The following GPR89B variants were observed in gnomAD, a reference collection of about 807,000 sequenced individuals.
The protein encoded by GPR89B is golgi pH regulator B.
Under a neutral mutation model 52.4 loss-of-function variants are expected in GPR89B, and 25 were observed. The observed-to-expected ratio is 0.48, with a 90% CI of 0.35 to 0.67. The LOEUF is 0.67. Ranked by LOEUF, GPR89B falls within the 30% of genes least tolerant of loss-of-function variation. The pLI is 0.01. For missense variants in GPR89B, 146 were observed against 450.2 expected (o/e 0.32, Z 6.11); for synonymous variants, 52 against 151.2 (o/e 0.34, Z 4.81).
intron 5 of GPR89B, among the ~76,000 whole-genome samples, chr1:147,949,844 G>A (rs1367031120): frequency 1.4e-5 from 2 of 141,910 alleles, no homozygotes; most frequent in Non-Finnish European, 3.1e-5. Context: ...GCCGGGCAGA[G>A]GGGCTCCTCA....
At chr1:147,936,877 A>G (rs2149037096) in intron 2 of GPR89B, among the ~76,000 whole-genome samples, 191 bp downstream of exon 2, 1 of 152,234 alleles carries the variant, frequency 6.6e-6, no homozygotes, top group Admixed American at 6.5e-5. Flanking sequence ...AGGCAAATCA[A>G]ATATAGCCCA....
intron 5 of GPR89B, among the ~76,000 whole-genome samples, chr1:147,949,815 C>T (rs1285317345): frequency 1.0e-4 from 15 of 146,328 alleles, no homozygotes; most frequent in Non-Finnish European, 2.2e-4. Context: ...CCCGACCTCC[C>T]TCCCGGACGG....
rs374453006 is a variant in GPR89B at position 147,928,593 on chromosome 1, C to T, written c.42+15C>T. ...TTACCTCCCAGGTGAGTCACCGCCT[C>T]CCGCCCCGACACCCGTCCGCCTCCC... On this transcript the variant is annotated intron_variant, in intron 1 of 13. Transcript: ENST00000314163. 87 of 1,613,810 alleles carry T rather than the reference C, an allele frequency of 5.4e-5. No individual in the cohort carries two copies. The African/African-American group carries it at 1.0e-3, about 19-fold the overall frequency.
intron 5 of GPR89B, among the ~76,000 whole-genome samples, chr1:147,947,937 A>C (rs1655143580): frequency 6.6e-6 from 1 of 152,250 alleles, no homozygotes. Context: ...ATTTAGCATT[A>C]CACAAATATT....
At chr1:148,023,313 G>A in the GPR89B span, among the ~76,000 whole-genome samples, 32 of 146,132 alleles carry the variant, frequency 2.2e-4, no homozygotes, top group African/African-American at 7.4e-4. Context: ...TGTTGTGTAT[G>A]TACCACATTT....
At chr1:147,939,718 C>A (rs1426396537) in intron 3 of GPR89B, among the ~76,000 whole-genome samples, 1 of 152,128 alleles carries the variant, frequency 6.6e-6, no homozygotes. Context: ...GAGAGAGGGG[C>A]CAGACATAGT....
intron 7 of GPR89B, among the ~76,000 whole-genome samples, chr1:147,958,990 G>T (rs1250574356): frequency 4.6e-5 from 7 of 152,148 alleles, no homozygotes; most frequent in Non-Finnish European, 7.3e-5. Context: ...TGTTTTTGTT[G>T]TTTACAAGTG....
intron 5 of GPR89B, among the ~76,000 whole-genome samples, chr1:147,950,260 C>T (rs1333801510): frequency 2.1e-5 from 3 of 144,580 alleles, no homozygotes; most frequent in Non-Finnish European, 3.0e-5. Context: ...CAGACAGGGT[C>T]GCGGCCGGGT....
chr1:148,009,978 G>A, the GPR89B span, among the ~76,000 whole-genome samples: 1 of 151,078 alleles, frequency 6.6e-6, no homozygotes, highest in Non-Finnish European at 1.5e-5. Context: ...TTAAACCCCA[G>A]TCTCCAGCAT....
chr1:147,931,447 A>G (rs1553246989), intron 1 of GPR89B, among the ~76,000 whole-genome samples: 1 of 152,158 alleles, frequency 6.6e-6, no homozygotes, highest in African/African-American at 2.4e-5. Flanking sequence ...TACGCCTTCC[A>G]TTTTATTTGC....
chr1:148,015,557 A>T, the GPR89B span, among the ~76,000 whole-genome samples: 5 of 139,262 alleles, frequency 3.6e-5, no homozygotes, highest in African/African-American at 7.9e-5. Context: ...CTCGTGATGC[A>T]CCCGCCTTTG....
At chr1:147,997,249 A>G (rs1194493441), downstream of GPR89B, among the ~76,000 whole-genome samples, 27 of 152,164 alleles carry the variant, frequency 1.8e-4, no homozygotes, top group Non-Finnish European at 3.1e-4. Flanking sequence ...TTAGATGCCA[A>G]CTTGACTGGA....
At chr1:147,990,430 T>A (rs1571323982) in intron 12 of GPR89B, among the ~76,000 whole-genome samples, 1 of 152,218 alleles carries the variant, frequency 6.6e-6, no homozygotes, top group African/African-American at 2.4e-5. Context: ...TTTCTTTTGC[T>A]GTGCAGAAGC....
chr1:147,931,411 TAA>T (rs1323055872), intron 1 of GPR89B, among the ~76,000 whole-genome samples: 4 of 152,138 alleles, frequency 2.6e-5, no homozygotes, highest in Admixed American at 2.6e-4. Flanking sequence ...CTGAAAGTAT[TAA>T]GTCTCATTTT....
the GPR89B span, among the ~76,000 whole-genome samples, chr1:148,025,228 G>A: frequency 1.7e-4 from 25 of 151,302 alleles, no homozygotes; most frequent in Non-Finnish European, 3.2e-4. Flanking sequence ...TGTTTGACCC[G>A]CACTCTTTCC....
intron 5 of GPR89B, among the ~76,000 whole-genome samples, chr1:147,950,603 G>A (rs1655584130): frequency 6.6e-6 from 1 of 152,230 alleles, no homozygotes; most frequent in Non-Finnish European, 1.5e-5. Context: ...GGAGGTTGTA[G>A]TGAGCCGAGA....
chr1:148,012,780 C>T, the GPR89B span, among the ~76,000 whole-genome samples: 1 of 152,060 alleles, frequency 6.6e-6, no homozygotes, highest in Middle Eastern at 3.4e-3. Context: ...GACATTTTCA[C>T]TGAAGGCTTT....
chr1:147,946,997 G>A (rs1553249902), intron 5 of GPR89B, among the ~76,000 whole-genome samples: 1 of 151,976 alleles, frequency 6.6e-6, no homozygotes, highest in African/African-American at 2.4e-5. Context: ...AGCTTTCCCA[G>A]GACTGTCCCA....
At chr1:147,950,383 G>A (rs1362598837) in intron 5 of GPR89B, among the ~76,000 whole-genome samples, 2 of 151,392 alleles carry the variant, frequency 1.3e-5, no homozygotes, top group African/African-American at 2.4e-5. Flanking sequence ...GATGGCGGCC[G>A]GGAAGAGGCG....
Sources: gnomAD v4.1 joint callset for allele counts (sites outside exome capture counted in the v4.1 genomes callset) on GRCh38, gnomAD v4.1.1 for gene constraint, MANE v1.5 for transcripts, NCBI Gene and HGNC (gene_info 2026-07-23, HGNC 2026-07-21) for gene names.